Variants in MYH10 observed in about 807,000 individuals in gnomAD.
MYH10 encodes the protein myosin-10.
MYH10 carries 55 observed loss-of-function variants against 257.8 expected under a neutral mutation model. The observed-to-expected ratio is 0.21, with a 90% CI of 0.17 to 0.27. The LOEUF is 0.27. Among genes scored for constraint, MYH10 ranks in the 10% least tolerant of loss-of-function variants. The pLI is 1.00. For synonymous variants in MYH10, 854 were observed against 921.7 expected (o/e 0.93, Z 1.33); for missense variants, 1,631 against 2,500.6 (o/e 0.65, Z 7.42).
At chr17:8,598,208 G>A (rs150161328) in intron 3 of MYH10, among the ~76,000 whole-genome samples, 10 of 152,250 alleles carry the variant, frequency 6.6e-5, no homozygotes, top group African/African-American at 2.4e-4. Context: ...CATAAAGATA[G>A]ATCTTCAACA....
At chr17:8,522,924 T>C (rs2081705030) in intron 17 of MYH10, among the ~76,000 whole-genome samples, 1 of 152,190 alleles carries the variant, frequency 6.6e-6, no homozygotes, top group Non-Finnish European at 1.5e-5. Flanking sequence ...CCTGGCTTTT[T>C]TAGGAGCTCC....
chr17:8,501,027 T>C lies in MYH10; in HGVS notation c.3600-57A>G, dbSNP rs1175330538. ...AATTAGCTGACTGATTAAAAACACA[T>C]TTTCTTTTTGAAAAAGTACTGTTTT... On this transcript the variant is annotated intron_variant, in intron 28 of 42. Transcript: ENST00000360416. 1.4e-5 allele frequency: 21 copies of C among 1,528,042 alleles called. 1 individual carries two copies. The South Asian group carries it at 1.5e-4, about 11-fold the overall frequency. 94.7% of individuals were successfully genotyped at this position (1,528,042 alleles called of 1,614,324 possible). A position where few individuals can be genotyped will look rare whatever the true frequency, so the allele number is the denominator to read the frequency against.
intron 3 of MYH10, among the ~76,000 whole-genome samples, chr17:8,592,959 AT>A (rs2084223446): frequency 1.6e-5 from 2 of 121,396 alleles, no homozygotes; most frequent in Non-Finnish European, 3.6e-5. Context: ...ATATATATAT[AT>A]ATATATATAT....
chr17:8,511,071 T>TATATAAAC (rs1336387130), intron 24 of MYH10: 1 of 82,322 alleles, frequency 1.2e-5, no homozygotes, highest in African/African-American at 7.0e-5. Context: ...CACACATACA[T>TATATAAAC]ACATACACAC....
At chr17:8,499,565 T>C in intron 29 of MYH10, 89 bp from the exon 30 acceptor site, 1 of 1,122,906 alleles carries the variant, frequency 8.9e-7, no homozygotes, top group South Asian at 1.3e-5. Context: ...GAATTGTGCC[T>C]AACACACAGT....
chr17:8,489,224 G>T (rs1157164899), intron 35 of MYH10, among the ~76,000 whole-genome samples: 1 of 152,120 alleles, frequency 6.6e-6, no homozygotes, highest in Non-Finnish European at 1.5e-5. Flanking sequence ...TATGCAGCCA[G>T]GGCCGAGGTC....
chr17:8,598,177 T>C (rs914380501), intron 3 of MYH10, among the ~76,000 whole-genome samples: 4 of 152,196 alleles, frequency 2.6e-5, no homozygotes, highest in Non-Finnish European at 5.9e-5. Flanking sequence ...CTAAAATTGT[T>C]TGGGCCTTGT....
In MYH10 at chr17:8,479,578, C is replaced by T. The variant is rs2151768752; in HGVS notation, c.5597+532G>A. On this transcript the variant is annotated intron_variant, in intron 40 of 42. Coordinates refer to ENST00000360416, the MANE Select transcript of MYH10 (RefSeq NM_001256012.3). ...GAGCCCTGCATTTCTGGGCTCCAAG[C>T]TCCCCAGCAAGAGGGTGAATCTGAA... is the stretch of plus-strand genomic sequence containing the variant. 2.0e-5 allele frequency among the ~76,000 whole-genome samples: 3 copies of T among 152,298 alleles called. No homozygotes were observed. In the South Asian group the frequency reaches 6.2e-4, roughly 32 times the overall value.
chr17:8,551,676 G>A (rs1173394313), intron 9 of MYH10, among the ~76,000 whole-genome samples: 2 of 152,172 alleles, frequency 1.3e-5, no homozygotes, highest in East Asian at 1.9e-4. Context: ...CATATATTCA[G>A]TTGTAAATCT....
In MYH10 at chr17:8,476,776, G is replaced by C. The variant is rs1912711607; in HGVS notation, c.5879+100C>G. On this transcript the variant is annotated intron_variant, in intron 42 of 42. Coordinates refer to ENST00000360416, the MANE Select transcript of MYH10 (RefSeq NM_001256012.3). ...GTTCGGGAGAAAGAATGGGTCACTG[G>C]GTATGGATCTAAGTAAACTTCCTCT... is the stretch of plus-strand genomic sequence containing the variant. The C allele has an allele frequency of 2.4e-5, 30 of 1,269,276 alleles. No individual in the cohort carries two copies. In the South Asian group the frequency reaches 4.0e-4, roughly 17 times the overall value. 78.6% of individuals were successfully genotyped at this position (1,269,276 alleles called of 1,614,324 possible).
intron 42 of MYH10, among the ~76,000 whole-genome samples, 195 bp from the exon 43 acceptor site, chr17:8,476,143 C>G (rs570796413): frequency 1.3e-5 from 2 of 152,312 alleles, no homozygotes; most frequent in Admixed American, 6.5e-5. Context: ...CTGCAGAGTA[C>G]GCGAAGCAGG....
chr17:8,475,946 C>T lies in MYH10; in HGVS notation c.5882G>A (p.Arg1961Gln), dbSNP rs774205864. The change falls in exon 43 of 43, where the codon CGG (arginine) becomes CAG (glutamine). Residue 1961 changes from arginine to glutamine, a missense_variant and splice_region_variant. By Grantham distance (43) the Arg-to-Gln change is conservative (BLOSUM62 1). Coordinates refer to ENST00000360416, the MANE Select transcript of MYH10 (RefSeq NM_001256012.3). ...GGAAGAGAAGCTGATGGGGCCACCC[C>T]GCCTGGAGAACACAGGAAGCAGATG... The part of the protein sequence containing the change: ...EVSTLKNRLR[R>Q]GGPISFSSSR... 12 of 1,612,444 alleles carry T rather than the reference C, an allele frequency of 7.4e-6. No individual in the cohort carries two copies. Among genetic ancestry groups the T allele is most frequent in the Admixed American group, 1.7e-5 (1 of 59,874 alleles).
At chr17:8,540,704 C>T (rs76255131) in intron 14 of MYH10, among the ~76,000 whole-genome samples, 2 of 152,120 alleles carry the variant, frequency 1.3e-5, no homozygotes, top group Non-Finnish European at 2.9e-5. Flanking sequence ...TGTAGGACTT[C>T]CAGTGTCATA....
intron 7 of MYH10, among the ~76,000 whole-genome samples, chr17:8,564,805 C>T (rs1250620566): frequency 6.6e-6 from 1 of 152,164 alleles, no homozygotes; most frequent in Non-Finnish European, 1.5e-5. Context: ...ATAATAAATA[C>T]ACAAAGTAAT....
chr17:8,575,278 T>C (rs1475561488), intron 6 of MYH10, among the ~76,000 whole-genome samples: 3 of 152,202 alleles, frequency 2.0e-5, no homozygotes, highest in Non-Finnish European at 4.4e-5. Flanking sequence ...CAATGATTTA[T>C]GTGTTCCACA....
chr17:8,513,946 G>A, intron 21 of MYH10, 52 bp from the exon 22 acceptor site: 1 of 1,480,326 alleles, frequency 6.8e-7, no homozygotes, highest in Non-Finnish European at 9.3e-7. Flanking sequence ...TGCTTGAATG[G>A]CTGTTGTCAT....
chr17:8,532,755 C>T (rs577487421), intron 16 of MYH10, among the ~76,000 whole-genome samples: 1 of 152,326 alleles, frequency 6.6e-6, no homozygotes, highest in East Asian at 1.9e-4. Flanking sequence ...TCAACTGGAT[C>T]ACTAGCTCTT....
At chr17:8,502,541 A>T (rs2080930071) in intron 28 of MYH10, among the ~76,000 whole-genome samples, 2 of 151,572 alleles carry the variant, frequency 1.3e-5, no homozygotes, top group Non-Finnish European at 2.9e-5. Context: ...GTCAAAGGAA[A>T]CCTTCATCTT....
rs1912791884 is a variant in MYH10 at position 8,477,083 on chromosome 17, C to T, written c.5707-35G>A. 2.5e-6 allele frequency: 4 copies of T among 1,610,920 alleles called. No homozygotes were observed. The African/African-American group carries it at 4.0e-5, about 16-fold the overall frequency. On this transcript the variant is annotated intron_variant, in intron 41 of 42. Coordinates refer to ENST00000360416, the MANE Select transcript of MYH10 (RefSeq NM_001256012.3). This position sits in a 1 kb window ranked among gnomAD's most constrained non-coding sequence, Gnocchi z 4.2. ...GGTACATGAACCAAAACAAACCAAA[C>T]TGGTGAATCCAGTGTCGGCCTCTCT...
Sources: gnomAD v4.1 joint callset for allele counts (sites outside exome capture counted in the v4.1 genomes callset) on GRCh38, gnomAD v4.1.1 for gene constraint, Gnocchi (gnomAD v3.1) non-coding constraint, MANE v1.5 for transcripts, NCBI Gene and HGNC (gene_info 2026-07-23, HGNC 2026-07-21) for gene names.